NAALADL2: variants seen among roughly 807,000 people sequenced by gnomAD.
The protein encoded by NAALADL2 is N-acetylated alpha-linked acidic dipeptidase like 2, also known as inactive N-acetylated-alpha-linked acidic dipeptidase-like protein 2.
NAALADL2 carries 76 observed loss-of-function variants against 87.2 expected under a neutral mutation model. That is an observed-to-expected ratio of 0.87 (90% CI 0.72 to 1.05). The LOEUF (loss-of-function observed/expected upper bound fraction) is 1.05. Ranked by LOEUF, NAALADL2 falls within the 50% of genes least tolerant of loss-of-function variation. The pLI is 0.00. For synonymous variants in NAALADL2, 354 were observed against 331.0 expected (o/e 1.07, Z -0.75); for missense variants, 1,089 against 945.8 (o/e 1.15, Z -1.99).
chr3:175,190,704 C>T (rs1298753664), intron 2 of NAALADL2, among the ~76,000 whole-genome samples: 4 of 151,954 alleles, frequency 2.6e-5, no homozygotes, highest in South Asian at 2.1e-4. Flanking sequence ...GGGCCGGGCG[C>T]GGTGGCTCAC....
At chr3:175,073,396 A>G (rs11916709) in intron 1 of NAALADL2, among the ~76,000 whole-genome samples, 12,602 of 152,040 alleles carry the variant, frequency 0.083, 697 homozygotes, top group East Asian at 0.21. Flanking sequence ...GAGCAGCTCT[A>G]TATTTCTCTT....
At chr3:174,466,273 ATTTTTTTTTT>A (rs1326538046) in intron 1 of NAALADL2, among the ~76,000 whole-genome samples, 1 of 137,648 alleles carries the variant, frequency 7.3e-6, no homozygotes, top group African/African-American at 2.7e-5. Context: ...ACATTATGAG[ATTTTTTTTTT>A]TTTTTTTTGC....
At chr3:175,693,160 G>C (rs963507566) in intron 11 of NAALADL2, among the ~76,000 whole-genome samples, 1 of 152,080 alleles carries the variant, frequency 6.6e-6, no homozygotes, top group African/African-American at 2.4e-5. Context: ...GTGTGAGACC[G>C]CACTTGGAGT....
At position 174,673,654 on chromosome 3, in the gene NAALADL2, C is replaced by T. The variant is rs9829204; in HGVS notation, c.-114-63987C>T. On this transcript the variant is annotated intron_variant, in intron 2 of 3. Coordinates refer to the NAALADL2 transcript ENST00000434257. Reference sequence around the variant, plus strand: ...CCAAAGGCTGGGAAGGGGGTGTGTTCGGGGGGTGAGAGGATGAAGAAGGCT... The same window carrying T: ...CCAAAGGCTGGGAAGGGGGTGTGTTTGGGGGGTGAGAGGATGAAGAAGGCT... Among the ~76,000 whole-genome samples, 1,069 of 120,138 alleles carry T rather than the reference C, an allele frequency of 8.9e-3. 15 individuals are homozygous for T. The highest frequency in any genetic ancestry group is 0.033 in the African/African-American group (1,015 of 30,722). The allele number at this position is 120,138 out of a possible 152,430, so 78.8% of individuals were successfully genotyped here. A position where few individuals can be genotyped will look rare whatever the true frequency, so the allele number is the denominator to read the frequency against.
chr3:175,322,057 T>G (rs535222608), intron 4 of NAALADL2, among the ~76,000 whole-genome samples: 1 of 151,804 alleles, frequency 6.6e-6, no homozygotes, highest in East Asian at 1.9e-4. Context: ...AGAACAAAGC[T>G]GGAGGCATCA....
chr3:175,293,850 A>G (rs1000563555), intron 4 of NAALADL2, among the ~76,000 whole-genome samples: 2 of 152,366 alleles, frequency 1.3e-5, no homozygotes, highest in Middle Eastern at 3.4e-3. Context: ...CATTTTTTAT[A>G]TACCATAAGA....
intron 10 of NAALADL2, among the ~76,000 whole-genome samples, chr3:175,604,366 C>T (rs1320185219): frequency 6.8e-6 from 1 of 146,322 alleles, no homozygotes; most frequent in African/African-American, 2.6e-5. Flanking sequence ...TACAGTGGTG[C>T]CATCTCCGCT....
chr3:175,481,365 GTA>G (rs1396869572), intron 9 of NAALADL2, among the ~76,000 whole-genome samples: 10,035 of 147,252 alleles, frequency 0.068, 386 homozygotes, highest in South Asian at 0.15. Flanking sequence ...GTGTGTGTGT[GTA>G]TATAGCTGTG....
Position 175,439,738 on chromosome 3 carries a change from TTC to T in NAALADL2, c.1091-7489_1091-7488del, listed in dbSNP as rs1425696022. On this transcript the variant is annotated intron_variant, in intron 5 of 13. Coordinates refer to ENST00000454872, the MANE Select transcript of NAALADL2 (RefSeq NM_207015.3). ...TGTTTGTGGTTTTTTTTTCTTTTTT[TTC>T]TTTTTTTGATGATTTGTTTGAGTTC... 1.7e-3 allele frequency among the ~76,000 whole-genome samples: 244 copies of T among 146,362 alleles called. 4 individuals carry two copies. Among genetic ancestry groups the T allele is most frequent in the African/African-American group, 5.2e-3 (203 of 39,144 alleles).
chr3:175,367,036 A>T (rs1214061894), intron 5 of NAALADL2, among the ~76,000 whole-genome samples: 1 of 151,246 alleles, frequency 6.6e-6, no homozygotes, highest in Non-Finnish European at 1.5e-5. Flanking sequence ...TAATTTTTGT[A>T]TAAGGTGTAA....
chr3:175,216,372 T>C (rs1362816737), intron 2 of NAALADL2, among the ~76,000 whole-genome samples: 3 of 152,140 alleles, frequency 2.0e-5, no homozygotes, highest in African/African-American at 7.2e-5. Flanking sequence ...TAATGAGGCT[T>C]TAAGAGAGTA....
At chr3:175,517,417 TA>T (rs1480034326) in intron 9 of NAALADL2, among the ~76,000 whole-genome samples, 3 of 152,168 alleles carry the variant, frequency 2.0e-5, no homozygotes, top group Admixed American at 2.0e-4. Context: ...ATTTAGAAAA[TA>T]TTTTTTCTTA....
chr3:174,797,288 TTTTG>T (rs1415182103), intron 3 of NAALADL2, among the ~76,000 whole-genome samples: 1 of 146,072 alleles, frequency 6.8e-6, no homozygotes, highest in African/African-American at 2.6e-5. Context: ...ATCTTTTTTC[TTTTG>T]TTTTTCTTTT....
rs936355217 is a variant in NAALADL2 at position 175,806,021 on chromosome 3, C to T, written c.*2818C>T. Reference sequence around the variant, plus strand: ...TATTTAGTTAGTAACAAAAGCACCACTGGAATTTAAGCTTCTCTGCTTTCT... The same window carrying T: ...TATTTAGTTAGTAACAAAAGCACCATTGGAATTTAAGCTTCTCTGCTTTCT... On this transcript the variant is annotated 3_prime_UTR_variant, in exon 14 of 14. Coordinates refer to ENST00000454872, the MANE Select transcript of NAALADL2 (RefSeq NM_207015.3). The T allele has an allele frequency of 2.0e-5, 3 of 151,922 alleles. No individual in the cohort carries two copies. Among genetic ancestry groups the T allele is most frequent in the African/African-American group, 7.2e-5 (3 of 41,402 alleles). The allele number at this position is 151,922 out of a possible 1,614,324, so 9.4% of individuals were successfully genotyped here. A position where few individuals can be genotyped will look rare whatever the true frequency, so the allele number is the denominator to read the frequency against.
At position 174,800,518 on chromosome 3, in the gene NAALADL2, A is replaced by G. The variant is rs903932282; in HGVS notation, c.-9+62772A>G. Among the ~76,000 whole-genome samples, 6 of 152,304 alleles carry G rather than the reference A, an allele frequency of 3.9e-5. No homozygotes were observed. In the East Asian group the frequency reaches 7.7e-4, roughly 20 times the overall value. On this transcript the variant is annotated intron_variant, in intron 3 of 3. Transcript: ENST00000434257. ...TTGGATGCCCAGGCAAAAGTTTGGT[A>G]TAGAGGTGGGGCCCTCATGGAGAAC...
At chr3:175,576,268 T>C in intron 10 of NAALADL2, 81 bp downstream of exon 10, 1 of 1,285,544 alleles carries the variant, frequency 7.8e-7, no homozygotes, top group Non-Finnish European at 1.1e-6. Context: ...GGCTATTCAA[T>C]TTTCATATCA....
At chr3:175,520,049 A>G (rs1472838828) in intron 9 of NAALADL2, among the ~76,000 whole-genome samples, 3 of 152,182 alleles carry the variant, frequency 2.0e-5, no homozygotes, top group Admixed American at 6.6e-5. Context: ...AGTTTCTATT[A>G]TAATAGATAA....
intron 1 of NAALADL2, among the ~76,000 whole-genome samples, chr3:174,994,892 C>T (rs1385585423): frequency 6.6e-6 from 1 of 152,054 alleles, no homozygotes; most frequent in Non-Finnish European, 1.5e-5. Context: ...CTGCTCTCTT[C>T]AGAGTTTCTT....
chr3:174,582,696 C>T lies in NAALADL2; in HGVS notation c.-115+32059C>T, dbSNP rs1716304923. ...TTCTGGGTTCAAGCAATTCTTCTGC[C>T]TCAGCCTCCCGAGTAGCTGGGATTA... On this transcript the variant is annotated intron_variant, in intron 2 of 3. Coordinates refer to the NAALADL2 transcript ENST00000434257. 2.6e-5 allele frequency among the ~76,000 whole-genome samples: 4 copies of T among 152,122 alleles called. No individual in the cohort carries two copies. The South Asian group carries it at 8.3e-4, about 32-fold the overall frequency.
Sources: gnomAD v4.1 joint callset for allele counts (sites outside exome capture counted in the v4.1 genomes callset) on GRCh38, gnomAD v4.1.1 for gene constraint, MANE v1.5 for transcripts, NCBI Gene and HGNC (gene_info 2026-07-23, HGNC 2026-07-21) for gene names.